PRKG1: variants seen among roughly 807,000 people sequenced by gnomAD.
PRKG1 encodes protein kinase cGMP-dependent 1.
PRKG1 carries 35 observed loss-of-function variants against 88.1 expected under a neutral mutation model. The ratio of observed to expected loss-of-function variants is 0.40; its 90% CI spans 0.30 to 0.53. The LOEUF (loss-of-function observed/expected upper bound fraction) is 0.53, where lower values mean the gene tolerates loss of function less well. Among genes scored for constraint, PRKG1 ranks in the 20% least tolerant of loss-of-function variants. PRKG1 has a pLI of 0.59. For synonymous variants in PRKG1, 303 were observed against 292.5 expected (o/e 1.04, Z -0.37); for missense variants, 540 against 839.8 (o/e 0.64, Z 4.41).
intron 2 of PRKG1, among the ~76,000 whole-genome samples, chr10:51,391,288 C>T (rs1334528295): frequency 2.0e-5 from 3 of 152,136 alleles, no homozygotes; most frequent in Non-Finnish European, 2.9e-5. Context: ...TTTAAAACAA[C>T]AAAAGAATTC....
intron 2 of PRKG1, among the ~76,000 whole-genome samples, chr10:51,364,631 C>G (rs1842552177): frequency 6.6e-6 from 1 of 151,714 alleles, no homozygotes; most frequent in African/African-American, 2.4e-5. Context: ...AAGGAAAATA[C>G]CTAGCCAAGC....
chr10:51,663,774 A>G (rs1295767667), intron 3 of PRKG1, among the ~76,000 whole-genome samples: 1 of 151,674 alleles, frequency 6.6e-6, no homozygotes, highest in Non-Finnish European at 1.5e-5. Context: ...ATAGCAATGG[A>G]ATAAACTGCA....
chr10:51,188,939 A>C (rs1837564858), intron 2 of PRKG1, among the ~76,000 whole-genome samples: 1 of 151,952 alleles, frequency 6.6e-6, no homozygotes, highest in Non-Finnish European at 1.5e-5. Flanking sequence ...GAGTGTCTGC[A>C]GTTTAGCTTA....
chr10:51,469,356 C>A (rs1036865484), intron 3 of PRKG1, among the ~76,000 whole-genome samples: 2 of 151,656 alleles, frequency 1.3e-5, no homozygotes, highest in Non-Finnish European at 3.0e-5. Flanking sequence ...CTGCTTGATA[C>A]TTTAATCTAA....
intron 3 of PRKG1, among the ~76,000 whole-genome samples, chr10:51,653,300 A>T (rs1170687702): frequency 6.6e-6 from 1 of 152,074 alleles, no homozygotes. Context: ...GTTTTTGATT[A>T]TGGCTGTGCC....
At chr10:51,085,578 C>T (rs1844226874) in intron 1 of PRKG1, among the ~76,000 whole-genome samples, 1 of 151,874 alleles carries the variant, frequency 6.6e-6, no homozygotes, top group Non-Finnish European at 1.5e-5. Flanking sequence ...GAAAAGTACG[C>T]CCAAAGACAC....
chr10:52,092,441 G>A (rs1162638522), intron 7 of PRKG1, among the ~76,000 whole-genome samples: 1 of 152,042 alleles, frequency 6.6e-6, no homozygotes, highest in African/African-American at 2.4e-5. Flanking sequence ...AAAAACCCCA[G>A]TTCTGACATA....
At chr10:52,289,915 G>A (rs1182408021) in intron 16 of PRKG1, among the ~76,000 whole-genome samples, 1 of 152,090 alleles carries the variant, frequency 6.6e-6, no homozygotes, top group Non-Finnish European at 1.5e-5. Flanking sequence ...CACAGGGCCA[G>A]ACACATTATG....
At chr10:51,826,613 C>T (rs528440117) in intron 4 of PRKG1, among the ~76,000 whole-genome samples, 1 of 152,224 alleles carries the variant, frequency 6.6e-6, no homozygotes, top group African/African-American at 2.4e-5. Flanking sequence ...ATTTGGGAAA[C>T]AGGGATTGCC....
intron 4 of PRKG1, among the ~76,000 whole-genome samples, chr10:51,852,474 A>G (rs1246278675): frequency 6.6e-6 from 1 of 152,002 alleles, no homozygotes; most frequent in East Asian, 1.9e-4. Flanking sequence ...CAAGCAATTG[A>G]GCTCTAAAAC....
chr10:51,575,975 A>G (rs1235557273), intron 3 of PRKG1, among the ~76,000 whole-genome samples: 3 of 152,014 alleles, frequency 2.0e-5, no homozygotes, highest in Non-Finnish European at 4.4e-5. Context: ...TGAAAATAAT[A>G]CAATAAAGAA....
At chr10:52,152,695 T>C (rs764080405) in intron 8 of PRKG1, among the ~76,000 whole-genome samples, 2 of 152,144 alleles carry the variant, frequency 1.3e-5, no homozygotes, top group African/African-American at 2.4e-5. Flanking sequence ...TTTTAAAAGA[T>C]TACTCTGCTT....
At chr10:51,641,770 G>T (rs557790598) in intron 3 of PRKG1, among the ~76,000 whole-genome samples, 1 of 152,036 alleles carries the variant, frequency 6.6e-6, no homozygotes, top group African/African-American at 2.4e-5. Context: ...TAAAAATGTA[G>T]ACAAATTATA....
chr10:52,062,745 A>C (rs762359681), intron 7 of PRKG1, 114 bp downstream of exon 7: 2 of 770,590 alleles, frequency 2.6e-6, no homozygotes, highest in Admixed American at 3.9e-5. Flanking sequence ...CTCAATATCA[A>C]ATATGGACCC....
chr10:51,058,965 A>G (rs1476849955), intron 1 of PRKG1, among the ~76,000 whole-genome samples: 1 of 152,182 alleles, frequency 6.6e-6, no homozygotes, highest in Non-Finnish European at 1.5e-5. Context: ...TTATGTATGT[A>G]GGTTTATTTC....
intron 10 of PRKG1, among the ~76,000 whole-genome samples, chr10:52,269,939 G>A (rs1199721604): frequency 6.6e-6 from 1 of 152,094 alleles, no homozygotes; most frequent in Non-Finnish European, 1.5e-5. Context: ...ATGGCACATT[G>A]AAAGATATTA....
intron 2 of PRKG1, among the ~76,000 whole-genome samples, chr10:51,357,368 C>G (rs1469751450): frequency 6.6e-6 from 1 of 151,930 alleles, no homozygotes; most frequent in African/African-American, 2.4e-5. Flanking sequence ...CAGCTTCTGT[C>G]TTGGCTCATT....
intron 2 of PRKG1, among the ~76,000 whole-genome samples, chr10:51,323,883 T>C (rs1841515687): frequency 1.3e-5 from 2 of 152,138 alleles, no homozygotes; most frequent in South Asian, 4.1e-4. Flanking sequence ...GCCCAGGAGT[T>C]TGAGGCTACA....
At chr10:51,234,013 A>G (rs759699357) in intron 2 of PRKG1, among the ~76,000 whole-genome samples, 2 of 152,124 alleles carry the variant, frequency 1.3e-5, no homozygotes, top group Admixed American at 6.6e-5. Context: ...ATTGAAATGC[A>G]TATTTTCCAA....
Sources: gnomAD v4.1 joint callset for allele counts (sites outside exome capture counted in the v4.1 genomes callset) on GRCh38, gnomAD v4.1.1 for gene constraint, MANE v1.5 for transcripts, NCBI Gene and HGNC (gene_info 2026-07-23, HGNC 2026-07-21) for gene names.